Variants in SEM1 observed in about 807,000 individuals in gnomAD.
SEM1 encodes the protein SEM1 26S proteasome subunit.
Under a neutral mutation model 12.7 loss-of-function variants are expected in SEM1, and 3 were observed. The ratio of observed to expected loss-of-function variants is 0.24; its 90% CI spans 0.11 to 0.61. SEM1 has a LOEUF of 0.61. SEM1 is among the 20% of genes least tolerant of loss of function. The pLI is 0.88. For missense variants in SEM1, 59 were observed against 81.3 expected (o/e 0.73, Z 1.06); for synonymous variants, 30 against 27.8 (o/e 1.08, Z -0.25).
chr7:96,690,859 C>T (rs190364949), intron 2 of SEM1, among the ~76,000 whole-genome samples: 122 of 152,294 alleles, frequency 8.0e-4, no homozygotes, highest in African/African-American at 2.8e-3. Flanking sequence ...CAAGCTCCAC[C>T]TCCCAGGTTT....
chr7:96,660,565 GTATA>G (rs943312957), intron 2 of SEM1, among the ~76,000 whole-genome samples: 4 of 152,056 alleles, frequency 2.6e-5, no homozygotes, highest in African/African-American at 7.2e-5. Context: ...CATTGTTATT[GTATA>G]TATATAATTT....
intron 2 of SEM1, among the ~76,000 whole-genome samples, chr7:96,604,182 A>G (rs934395032): frequency 3.9e-5 from 6 of 152,292 alleles, no homozygotes; most frequent in Admixed American, 6.5e-5. Context: ...TGCACTTTCC[A>G]TCACCAGCAG....
chr7:96,483,369 ACT>A (rs985078611), exon 4 of SEM1: 2 of 160,524 alleles, frequency 1.2e-5, no homozygotes, highest in African/African-American at 4.8e-5. Context: ...CAGGGAAAAA[ACT>A]CTGTTCCTCA....
chr7:96,493,286 A>C (rs537191295), intron 1 of SEM1, among the ~76,000 whole-genome samples: 1 of 152,066 alleles, frequency 6.6e-6, no homozygotes, highest in East Asian at 1.9e-4. Context: ...TAAAAATGTT[A>C]ATTGAAGCTA....
downstream of SEM1, among the ~76,000 whole-genome samples, chr7:96,671,901 C>T: frequency 6.6e-6 from 1 of 152,158 alleles, no homozygotes; most frequent in East Asian, 1.9e-4. Flanking sequence ...TTGGGGAAAC[C>T]TGTTGTTATT....
downstream of SEM1, among the ~76,000 whole-genome samples, chr7:96,668,750 C>CA (rs11387112): frequency 0.34 from 51,824 of 151,722 alleles, 10,306 homozygotes; most frequent in East Asian, 0.67. Flanking sequence ...TCCCCTCTAC[C>CA]AAAAAAAGAC....
rs1324104320 is a variant in SEM1 at position 96,574,516 on chromosome 7, C to T, written c.171-67818G>A. On this transcript the variant is annotated intron_variant and NMD_transcript_variant, in intron 2 of 3. Transcript: ENST00000466986. ...GATCTTTGAGGAATCGCCACACTGT[C>T]TTCCACAATGGTTGAACTAGTTTAC... 2.0e-5 allele frequency among the ~76,000 whole-genome samples: 3 copies of T among 152,104 alleles called. No individual in the cohort carries two copies. In the East Asian group the frequency reaches 5.8e-4, roughly 29 times the overall value.
chr7:96,693,937 G>A (rs1432213730), intron 2 of SEM1, among the ~76,000 whole-genome samples: 2 of 151,848 alleles, frequency 1.3e-5, no homozygotes, highest in South Asian at 2.1e-4. Context: ...TGTATAAAAC[G>A]TGGCATATCC....
chr7:96,690,001 T>C (rs534604446), intron 2 of SEM1, among the ~76,000 whole-genome samples: 69 of 152,282 alleles, frequency 4.5e-4, no homozygotes, highest in Non-Finnish European at 8.5e-4. Context: ...GTTATACAAA[T>C]GTAATGTAGT....
chr7:96,488,763 C>T (rs371729938), intron 1 of SEM1, among the ~76,000 whole-genome samples: 40 of 152,222 alleles, frequency 2.6e-4, no homozygotes, highest in Admixed American at 1.2e-3. Context: ...TTAGTGGTTA[C>T]TGTAGCCTCA....
intron 2 of SEM1, among the ~76,000 whole-genome samples, chr7:96,625,477 A>G (rs1219031576): frequency 1.3e-5 from 2 of 152,336 alleles, no homozygotes; most frequent in Middle Eastern, 3.4e-3. Flanking sequence ...AAAAGTCCAG[A>G]TGCTCTTTTG....
intron 2 of SEM1, chr7:96,650,631 C>A (rs2116448211): frequency 1.5e-6 from 1 of 648,610 alleles, no homozygotes; most frequent in Non-Finnish European, 2.8e-6. Context: ...TTAAATGAAA[C>A]CCCCCAAGTT....
intron 2 of SEM1, among the ~76,000 whole-genome samples, chr7:96,570,377 G>T (rs2115975382): frequency 6.6e-6 from 1 of 151,600 alleles, no homozygotes; most frequent in East Asian, 2.0e-4. Context: ...CACGGTGTAT[G>T]ATGTTCCCCT....
chr7:96,543,257 T>C (rs1412589435), intron 2 of SEM1, among the ~76,000 whole-genome samples: 3 of 151,974 alleles, frequency 2.0e-5, no homozygotes, highest in African/African-American at 4.8e-5. Context: ...TACATTTTAT[T>C]GGGAGTATAA....
At chr7:96,693,333 A>G (rs567930694) in intron 2 of SEM1, among the ~76,000 whole-genome samples, 25 of 152,152 alleles carry the variant, frequency 1.6e-4, no homozygotes, top group Non-Finnish European at 2.1e-4. Context: ...ATTAGGAGGG[A>G]AAAAAGTCTC....
At chr7:96,629,233 CCGT>C (rs1456070401) in intron 2 of SEM1, among the ~76,000 whole-genome samples, 1 of 152,012 alleles carries the variant, frequency 6.6e-6, no homozygotes, top group African/African-American at 2.4e-5. Context: ...AACTTTCTAC[CCGT>C]CTTTTTCTCT....
chr7:96,672,207 G>C (rs958193124), downstream of SEM1, among the ~76,000 whole-genome samples: 7 of 152,150 alleles, frequency 4.6e-5, no homozygotes, highest in Non-Finnish European at 8.8e-5. Context: ...CTTTTACAAG[G>C]AAAGAGCGAA....
intron 2 of SEM1, among the ~76,000 whole-genome samples, chr7:96,610,361 G>T (rs1584803283): frequency 1.3e-5 from 2 of 152,076 alleles, no homozygotes; most frequent in Admixed American, 1.3e-4. Flanking sequence ...GGCCTCCCAA[G>T]GTGCTGGGAT....
At chr7:96,485,826 C>T (rs754155384) in intron 2 of SEM1, among the ~76,000 whole-genome samples, 1 of 152,056 alleles carries the variant, frequency 6.6e-6, no homozygotes, top group Non-Finnish European at 1.5e-5. Flanking sequence ...AGGCATGAGC[C>T]ACTACGCCTG....
Sources: allele counts gnomAD v4.1 joint callset (sites outside exome capture counted in the v4.1 genomes callset), GRCh38; gene constraint gnomAD v4.1.1; transcripts MANE v1.5; gene names NCBI Gene and HGNC (gene_info 2026-07-23, HGNC 2026-07-21).